Variants in FRMPD3 observed in about 807,000 individuals in gnomAD.
FRMPD3 encodes the protein FERM and PDZ domain-containing protein 3.
FRMPD3 carries 42 observed loss-of-function variants against 97.9 expected under a neutral mutation model. That is an observed-to-expected ratio of 0.43 (90% confidence interval 0.34 to 0.55). The LOEUF (loss-of-function observed/expected upper bound fraction) is 0.55, where lower values mean the gene tolerates loss of function less well. FRMPD3 is among the 20% of genes least tolerant of loss of function. The pLI is 0.03. For synonymous variants in FRMPD3, 577 were observed against 581.1 expected, an observed-to-expected ratio of 0.99 and a Z score of 0.10; for missense variants, 1,303 against 1,457.7, an observed-to-expected ratio of 0.89 and a Z score of 1.73.
intron 1 of FRMPD3, among the ~76,000 whole-genome samples, chrX:107,469,997 C>G (rs962043349): frequency 9.0e-6 from 1 of 111,563 alleles, no homozygotes; most frequent in African/African-American, 3.3e-5. Context: ...TTTCTATTAG[C>G]CTTCCGCCAG....
At chrX:107,470,238 T>G (rs111643270) in intron 1 of FRMPD3, among the ~76,000 whole-genome samples, 3,086 of 112,455 alleles carry the variant, frequency 0.027, 97 homozygotes, top group African/African-American at 0.094. Flanking sequence ...TACAGTTTCT[T>G]TGGATCAGGA....
rs1013359076 is a variant in FRMPD3, at chrX:107,449,910, C to T, written c.-103C>T. On this transcript the variant is annotated 5_prime_UTR_variant, in exon 1 of 15. Transcript: ENST00000683843. ...GCCCTAGTCCCGCTGCCGCCGCCGC[C>T]GCCGCCGCCGCTGCGCCGCCGCTGC... Among the ~76,000 whole-genome samples, 6 of 109,398 alleles carry T rather than the reference C, an allele frequency of 5.5e-5. No homozygotes were observed. In the Admixed American group the frequency reaches 5.7e-4, roughly 10 times the overall value. The allele number at this position is 109,398 out of a possible 115,157, so 95.0% of individuals were successfully genotyped here.
chrX:107,510,603 G>A, intron 1 of FRMPD3, among the ~76,000 whole-genome samples: 1 of 112,023 alleles, frequency 8.9e-6, no homozygotes, highest in East Asian at 2.8e-4. Flanking sequence ...CTTGCCCTTG[G>A]TTTTTATTCT....
At chrX:107,565,380 T>C (rs957606248) in intron 12 of FRMPD3, among the ~76,000 whole-genome samples, 3 of 111,863 alleles carry the variant, frequency 2.7e-5, no homozygotes, top group Non-Finnish European at 3.8e-5. Context: ...CCCATTTTTC[T>C]CATATCATAG....
rs1048098747 is a variant in FRMPD3 at position 107,530,666 on chromosome X, G to C, written c.251+155G>C. On this transcript the variant is annotated intron_variant, in intron 3 of 14. Coordinates refer to ENST00000683843, the MANE Select transcript of FRMPD3 (RefSeq NM_001388459.1). ...CTCCTGGCTAACCCAGAACTTCAGG[G>C]GCCAGCTATTCAGGGTCAGCAGGAG... Among the ~76,000 whole-genome samples, 6 of 110,506 alleles carry C rather than the reference G, an allele frequency of 5.4e-5. No homozygotes were observed. In the Admixed American group the frequency reaches 5.8e-4, roughly 11 times the overall value.
intron 11 of FRMPD3, among the ~76,000 whole-genome samples, chrX:107,563,823 C>A (rs1024641320): frequency 8.9e-6 from 1 of 112,038 alleles, no homozygotes; most frequent in Non-Finnish European, 1.9e-5. Context: ...TTTCCTGAGT[C>A]CTTCTACTTC....
chrX:107,490,797 C>A (rs1283030300), intron 1 of FRMPD3, among the ~76,000 whole-genome samples: 1 of 111,726 alleles, frequency 9.0e-6, no homozygotes, highest in Non-Finnish European at 1.9e-5. Context: ...GTGGTATGTA[C>A]ATAAGCCTTT....
At chrX:107,499,769 C>T (rs947724475) in intron 1 of FRMPD3, among the ~76,000 whole-genome samples, 2 of 112,105 alleles carry the variant, frequency 1.8e-5, no homozygotes, top group Non-Finnish European at 3.8e-5. Context: ...GCCTGTTTTA[C>T]AGATGAGGAC....
intron 1 of FRMPD3, among the ~76,000 whole-genome samples, chrX:107,497,939 G>T (rs997476049): frequency 1.8e-5 from 2 of 111,492 alleles, no homozygotes; most frequent in Non-Finnish European, 3.8e-5. Flanking sequence ...GTGGCATTGG[G>T]ATTGTCACTC....
chrX:107,471,659 C>T (rs187067390), intron 1 of FRMPD3, among the ~76,000 whole-genome samples: 22 of 112,074 alleles, frequency 2.0e-4, no homozygotes, highest in South Asian at 3.8e-4. Context: ...CATAGTATTC[C>T]GTGGTGTATG....
rs147458065 is a variant in FRMPD3 at position 107,535,603 on chromosome X, G to C, written c.297+2053G>C. ...CACGAGAATCATTTGAACCTGGGAGGCAGAGGTTGCAGTGAGCTGAGATTG... is the reference window on the plus strand; with the variant it reads ...CACGAGAATCATTTGAACCTGGGAGCCAGAGGTTGCAGTGAGCTGAGATTG... On this transcript the variant is annotated intron_variant, in intron 4 of 14. Transcript: ENST00000683843. Among the ~76,000 whole-genome samples, 215 of 106,855 alleles carry C rather than the reference G, an allele frequency of 2.0e-3. 1 individual carries two copies. The highest frequency in any genetic ancestry group is 7.1e-3 in the African/African-American group (208 of 29,094). 92.8% of individuals were successfully genotyped at this position (106,855 alleles called of 115,157 possible). A position where few individuals can be genotyped will look rare whatever the true frequency, so the allele number is the denominator to read the frequency against.
At chrX:107,583,047 G>A (rs1385523560) in intron 13 of FRMPD3, among the ~76,000 whole-genome samples, 2 of 110,963 alleles carry the variant, frequency 1.8e-5, no homozygotes, top group Non-Finnish European at 3.8e-5. Context: ...TTTCATAAAT[G>A]TTGTATAGTT....
At chrX:107,569,012 C>T (rs1324011472) in intron 12 of FRMPD3, among the ~76,000 whole-genome samples, 1 of 110,762 alleles carries the variant, frequency 9.0e-6, no homozygotes, top group African/African-American at 3.3e-5. Context: ...TGGACATATA[C>T]AGCCCTGCAC....
intron 12 of FRMPD3, among the ~76,000 whole-genome samples, chrX:107,569,213 T>C (rs908973253): frequency 9.6e-6 from 1 of 104,443 alleles, no homozygotes; most frequent in East Asian, 3.0e-4. Flanking sequence ...GAGAATCCCT[T>C]GAACCCAGGA....
rs181219675 is a variant in FRMPD3, at chrX:107,457,756, C to A, written c.-8+7751C>A. Among the ~76,000 whole-genome samples the A allele has an allele frequency of 8.0e-5, 9 of 111,948 alleles. No homozygotes were observed. In the East Asian group the frequency reaches 2.5e-3, roughly 31 times the overall value. Reference sequence around the variant, plus strand: ...CACCTCAGTAGGAACTTGCTTAACTCGTTGAATTGGATTAGGTGAGAACTA... The same window carrying A: ...CACCTCAGTAGGAACTTGCTTAACTAGTTGAATTGGATTAGGTGAGAACTA... On this transcript the variant is annotated intron_variant, in intron 1 of 14. Transcript: ENST00000683843.
Position 107,560,444 on chromosome X carries a change from A to G in FRMPD3, c.899+51A>G. 3 of 1,184,240 alleles carry G rather than the reference A, an allele frequency of 2.5e-6. No homozygotes were observed. In the African/African-American group the frequency reaches 5.3e-5, roughly 21 times the overall value. ...ATGGGGGGCGAATAGTTGCGTAGGGAAAAGGTACACTGGTTGAGCTATGCT... is the reference window on the plus strand; with the variant it reads ...ATGGGGGGCGAATAGTTGCGTAGGGGAAAGGTACACTGGTTGAGCTATGCT... On this transcript the variant is annotated intron_variant, in intron 9 of 14. Transcript: ENST00000683843.
intron 11 of FRMPD3, 50 bp from the exon 12 acceptor site, chrX:107,564,837 C>T: frequency 1.7e-6 from 2 of 1,171,695 alleles, no homozygotes; most frequent in Non-Finnish European, 2.3e-6. Context: ...CTCTCCCCAC[C>T]TCCTCCACCC....
intron 13 of FRMPD3, among the ~76,000 whole-genome samples, chrX:107,576,726 G>C (rs1193975550): frequency 2.7e-5 from 3 of 112,297 alleles, no homozygotes; most frequent in African/African-American, 6.5e-5. Context: ...TAGCAAACAT[G>C]ATAAATAGAG....
intron 1 of FRMPD3, among the ~76,000 whole-genome samples, chrX:107,503,892 C>A (rs1324027626): frequency 8.9e-6 from 1 of 112,053 alleles, no homozygotes; most frequent in Non-Finnish European, 1.9e-5. Flanking sequence ...TTGATACGCC[C>A]ACATCCAAAA....
Sources: allele counts gnomAD v4.1 joint callset (sites outside exome capture counted in the v4.1 genomes callset), GRCh38; gene constraint gnomAD v4.1.1; transcripts MANE v1.5; gene names NCBI Gene and HGNC (gene_info 2026-07-23, HGNC 2026-07-21).